The following ADK variants were observed in gnomAD, a reference collection of about 807,000 sequenced individuals.
The protein encoded by ADK is N6,N6-dimethyladenosine kinase.
A neutral mutation model predicts 44.7 loss-of-function variants in ADK; 24 were observed. The ratio of observed to expected loss-of-function variants is 0.54; its 90% CI spans 0.39 to 0.76. The LOEUF is 0.76. Among genes scored for constraint, ADK ranks in the 30% least tolerant of loss-of-function variants. The pLI, the probability that ADK is intolerant of heterozygous loss-of-function variation, is 0.00. For synonymous variants in ADK, 128 were observed against 142.6 expected, an observed-to-expected ratio of 0.90 and a Z score of 0.73; for missense variants, 321 against 425.1, an observed-to-expected ratio of 0.76 and a Z score of 2.15.
At chr10:74,296,673 G>A (rs1208172746) in intron 3 of ADK, among the ~76,000 whole-genome samples, 2 of 149,890 alleles carry the variant, frequency 1.3e-5, no homozygotes, top group East Asian at 2.0e-4. Flanking sequence ...GTGCAGTGGC[G>A]CCATCTTGGC....
At chr10:74,511,863 A>T (rs1290624481) in intron 6 of ADK, among the ~76,000 whole-genome samples, 1 of 152,162 alleles carries the variant, frequency 6.6e-6, no homozygotes, top group Non-Finnish European at 1.5e-5. Flanking sequence ...GAGAGAGGGC[A>T]TCATTGTCTG....
intron 4 of ADK, among the ~76,000 whole-genome samples, chr10:74,323,793 A>G (rs1027006604): frequency 6.6e-6 from 1 of 152,062 alleles, no homozygotes; most frequent in African/African-American, 2.4e-5. Context: ...GATGGTCTCT[A>G]TCTCCTGACC....
intron 1 of ADK, among the ~76,000 whole-genome samples, chr10:74,151,654 G>C (rs1233484856): frequency 6.6e-6 from 1 of 152,234 alleles, no homozygotes; most frequent in African/African-American, 2.4e-5. Context: ...CGACCCCGGA[G>C]GGTCGGACCG....
chr10:74,457,890 A>G (rs998308062), intron 6 of ADK, among the ~76,000 whole-genome samples: 5 of 152,152 alleles, frequency 3.3e-5, no homozygotes, highest in Non-Finnish European at 7.3e-5. Flanking sequence ...TAGGTGAGAG[A>G]TAGCATTAGG....
intron 1 of ADK, among the ~76,000 whole-genome samples, chr10:74,160,908 T>C (rs1440347543): frequency 6.6e-6 from 1 of 152,096 alleles, no homozygotes; most frequent in Non-Finnish European, 1.5e-5. Flanking sequence ...GTACAATATT[T>C]ATTAAAACAA....
chr10:74,610,453 T>C (rs1852497285), intron 9 of ADK, among the ~76,000 whole-genome samples: 1 of 152,106 alleles, frequency 6.6e-6, no homozygotes, highest in Non-Finnish European at 1.5e-5. Flanking sequence ...GTAAAAAGTT[T>C]CAGTTTTGCA....
At chr10:74,417,881 T>C (rs1005658335) in intron 6 of ADK, among the ~76,000 whole-genome samples, 27 of 152,178 alleles carry the variant, frequency 1.8e-4, no homozygotes, top group African/African-American at 6.3e-4. Context: ...TTATTAAATA[T>C]TTACTCACGT....
At chr10:74,681,689 A>G (rs944776972) in intron 10 of ADK, among the ~76,000 whole-genome samples, 1 of 152,070 alleles carries the variant, frequency 6.6e-6, no homozygotes, top group Non-Finnish European at 1.5e-5. Flanking sequence ...CCTCTACTAA[A>G]AACACAAAAA....
At chr10:74,225,265 A>G (rs1050160317) in intron 3 of ADK, among the ~76,000 whole-genome samples, 10 of 151,834 alleles carry the variant, frequency 6.6e-5, no homozygotes. Context: ...TTAAGTAGAG[A>G]TGGGGTTTTG....
At chr10:74,625,131 A>T (rs1420524594) in intron 9 of ADK, among the ~76,000 whole-genome samples, 2 of 152,184 alleles carry the variant, frequency 1.3e-5, no homozygotes, top group African/African-American at 4.8e-5. Context: ...TCTAGAAGAG[A>T]CATACTTAAA....
rs371924748 is a variant in ADK at position 74,459,452 on chromosome 10, C to T, written c.555+60873C>T. Among the ~76,000 whole-genome samples the T allele has an allele frequency of 3.0e-4, 46 of 151,854 alleles. 1 individual carries two copies. The highest frequency in any genetic ancestry group is 6.8e-3 in the Middle Eastern group (2 of 294). Reference sequence around the variant, plus strand: ...ATTAGTATAAAAAGTTAGGCTCAGCCGGGTGCGGTGGCTCATGTCTGTAAT... The same window carrying T: ...ATTAGTATAAAAAGTTAGGCTCAGCTGGGTGCGGTGGCTCATGTCTGTAAT... On this transcript the variant is annotated intron_variant, in intron 6 of 10. Transcript: ENST00000539909.
At chr10:74,665,326 T>TA (rs1854906026) in intron 9 of ADK, among the ~76,000 whole-genome samples, 1 of 152,246 alleles carries the variant, frequency 6.6e-6, no homozygotes, top group Admixed American at 6.5e-5. Flanking sequence ...TTCTGGTTTT[T>TA]ACGTAGTCAT....
chr10:74,498,698 C>G (rs1303031536), intron 6 of ADK, among the ~76,000 whole-genome samples: 1 of 152,164 alleles, frequency 6.6e-6, no homozygotes, highest in Non-Finnish European at 1.5e-5. Flanking sequence ...CACAACAGGC[C>G]TTGTGTGTGT....
chr10:74,453,868 A>C (rs1462681648), intron 6 of ADK, among the ~76,000 whole-genome samples: 1 of 152,156 alleles, frequency 6.6e-6, no homozygotes, highest in South Asian at 2.1e-4. Context: ...AATTTGGAGA[A>C]TAATAAGAAT....
chr10:74,662,201 A>G (rs1423775839), intron 9 of ADK, among the ~76,000 whole-genome samples: 1 of 152,196 alleles, frequency 6.6e-6, no homozygotes, highest in Non-Finnish European at 1.5e-5. Context: ...GGCTTGCCCA[A>G]GGATTCTTGG....
chr10:74,536,600 CTT>C (rs77904292), intron 7 of ADK, among the ~76,000 whole-genome samples: 5 of 143,488 alleles, frequency 3.5e-5, no homozygotes, highest in Admixed American at 7.1e-5. Flanking sequence ...CTCTCCAGAA[CTT>C]TTTTTTTTTT....
At chr10:74,541,720 G>A (rs1167444959) in intron 7 of ADK, among the ~76,000 whole-genome samples, 1 of 150,540 alleles carries the variant, frequency 6.6e-6, no homozygotes, top group Admixed American at 6.6e-5. Flanking sequence ...TTGAGCCCAG[G>A]AGTTTGAGGC....
intron 6 of ADK, among the ~76,000 whole-genome samples, chr10:74,455,242 G>A (rs1008679341): frequency 1.3e-5 from 2 of 152,082 alleles, no homozygotes; most frequent in Non-Finnish European, 2.9e-5. Flanking sequence ...GGTGGTTCAT[G>A]CCTATAATCC....
At chr10:74,440,975 A>G (rs149136422) in intron 6 of ADK, among the ~76,000 whole-genome samples, 1 of 152,170 alleles carries the variant, frequency 6.6e-6, no homozygotes, top group African/African-American at 2.4e-5. Context: ...GAAGAATAAG[A>G]TCTATTGTAA....
Sources: allele counts gnomAD v4.1 joint callset (sites outside exome capture counted in the v4.1 genomes callset), GRCh38; gene constraint gnomAD v4.1.1; transcripts MANE v1.5; gene names NCBI Gene and HGNC (gene_info 2026-07-23, HGNC 2026-07-21).